The following COL19A1 variants were observed in gnomAD, a reference collection of about 807,000 sequenced individuals.
The protein encoded by COL19A1 is collagen alpha-1(XIX) chain.
Under a neutral mutation model 190.2 loss-of-function variants are expected in COL19A1, and 159 were observed. That is an observed-to-expected ratio of 0.84 (90% confidence interval 0.73 to 0.95). The LOEUF is 0.95. COL19A1 is among the 40% of genes least tolerant of loss of function. The pLI is 0.00. For missense variants in COL19A1, 1,418 were observed against 1,431.9 expected (o/e 0.99, Z 0.16); for synonymous variants, 509 against 458.9 (o/e 1.11, Z -1.39).
intron 20 of COL19A1, 57 bp downstream of exon 20, chr6:70,141,046 C>A: frequency 6.8e-7 from 1 of 1,480,080 alleles, no homozygotes; most frequent in Admixed American, 1.8e-5. Flanking sequence ...TTGTTTCTCT[C>A]TGATTTTCTG....
intron 11 of COL19A1, among the ~76,000 whole-genome samples, chr6:70,021,482 A>G (rs1353176944): frequency 6.6e-6 from 1 of 152,160 alleles, no homozygotes; most frequent in Non-Finnish European, 1.5e-5. Context: ...ATGGAATTAT[A>G]TGTGTCTTCT....
chr6:69,899,709 TCTC>T (rs1770034382), intron 3 of COL19A1, among the ~76,000 whole-genome samples: 1 of 152,170 alleles, frequency 6.6e-6, no homozygotes. Context: ...TATCTTTCTT[TCTC>T]CTTCTTTTCC....
chr6:69,927,053 G>A lies in COL19A1; in HGVS notation c.267-856G>A, dbSNP rs142521686. Among the ~76,000 whole-genome samples the A allele has an allele frequency of 8.4e-4, 128 of 152,008 alleles. No homozygotes were observed. In the East Asian group the frequency reaches 0.022, roughly 26 times the overall value. ...CTTCAAAACTGAAGGTGAAATTAAG[G>A]ATTAAAAAAACCCAGAATTTGAGAC... On this transcript the variant is annotated intron_variant, in intron 4 of 50. Coordinates refer to ENST00000620364, the MANE Select transcript of COL19A1 (RefSeq NM_001858.6).
At chr6:70,203,966 T>G (rs1767708644) in intron 49 of COL19A1, among the ~76,000 whole-genome samples, 1 of 152,038 alleles carries the variant, frequency 6.6e-6, no homozygotes, top group South Asian at 2.1e-4. Context: ...GTTCAAGCAA[T>G]TCTCCTGCCT....
At chr6:70,105,845 G>T (rs376984706) in intron 16 of COL19A1, among the ~76,000 whole-genome samples, 1 of 152,076 alleles carries the variant, frequency 6.6e-6, no homozygotes, top group East Asian at 1.9e-4. Flanking sequence ...TTTGTCTCTT[G>T]TCAAACAGTA....
intron 1 of COL19A1, among the ~76,000 whole-genome samples, chr6:69,873,501 C>T (rs757303619): frequency 2.6e-5 from 4 of 152,206 alleles, no homozygotes; most frequent in Non-Finnish European, 5.9e-5. Flanking sequence ...TGGTTTAGGC[C>T]AGAGGCCAAC....
At position 70,142,035 on chromosome 6, in the gene COL19A1, G is replaced by A; in HGVS notation, c.1531G>A (p.Asp511Asn). Residue 511 changes from aspartate to asparagine, a missense_variant, in exon 22 of 51, where the codon GAT (aspartate) becomes AAT (asparagine). By Grantham distance (23) the Asp-to-Asn change is conservative. Transcript: ENST00000620364. ...CCCACGTGTTTAGGGTGAACCTGGA[G>A]ATCCCGGACCCCCTGGTTTAATAGG... The part of the protein sequence containing the change: ...GSQGVKGEPG[D>N]PGPPGLIGSP... 6.2e-7 allele frequency: 1 copy of A among 1,612,434 alleles called. No individual in the cohort carries two copies.
At position 70,087,664 on chromosome 6, in the gene COL19A1, A is replaced by T. The variant is rs555776949; in HGVS notation, c.1225-14505A>T. 2.1e-4 allele frequency among the ~76,000 whole-genome samples: 32 copies of T among 152,174 alleles called. No homozygotes were observed. The South Asian group carries it at 6.6e-3, about 32-fold the overall frequency. ...ACAGAGGCCAAAGCTATAGATACTG[A>T]CTCCTTAGGTCAAATGCTATTCAAG... On this transcript the variant is annotated intron_variant, in intron 15 of 50. Coordinates refer to ENST00000620364, the MANE Select transcript of COL19A1 (RefSeq NM_001858.6).
intron 4 of COL19A1, among the ~76,000 whole-genome samples, chr6:69,915,865 C>T (rs534357401): frequency 1.3e-5 from 2 of 151,816 alleles, no homozygotes; most frequent in African/African-American, 4.8e-5. Flanking sequence ...TTCACATTAC[C>T]TAGTTACTAG....
Position 70,010,599 on chromosome 6 carries a change from G to A in COL19A1, c.1027-13028G>A, listed in dbSNP as rs1400172434. ...TTTCCGAGTCAAAGAAAGGGGTGAC[G>A]GACGCACCTGGAAAATAGGGTCACT... On this transcript the variant is annotated intron_variant, in intron 11 of 50. Transcript: ENST00000620364. Among the ~76,000 whole-genome samples, 9 of 140,832 alleles carry A rather than the reference G, an allele frequency of 6.4e-5. No individual in the cohort carries two copies. The East Asian group carries it at 1.1e-3, about 18-fold the overall frequency. 92.4% of individuals were successfully genotyped at this position (140,832 alleles called of 152,430 possible). A position where few individuals can be genotyped will look rare whatever the true frequency, so the allele number is the denominator to read the frequency against.
intron 11 of COL19A1, among the ~76,000 whole-genome samples, chr6:69,971,734 AT>A (rs1775438021): frequency 6.6e-6 from 1 of 152,328 alleles, no homozygotes; most frequent in East Asian, 1.9e-4. Flanking sequence ...ATTTAACAAT[AT>A]TCTGGAATTT....
intron 11 of COL19A1, among the ~76,000 whole-genome samples, chr6:70,003,142 C>T (rs1181751635): frequency 2.6e-5 from 4 of 152,090 alleles, no homozygotes; most frequent in African/African-American, 9.7e-5. Flanking sequence ...ATTATTTACC[C>T]AGAAGTCATT....
At chr6:70,007,716 G>A (rs1777718664) in intron 11 of COL19A1, among the ~76,000 whole-genome samples, 1 of 151,952 alleles carries the variant, frequency 6.6e-6, no homozygotes, top group Non-Finnish European at 1.5e-5. Context: ...TAAGCCTACA[G>A]TACACTCATC....
At chr6:70,079,823 T>C (rs529272949) in intron 15 of COL19A1, among the ~76,000 whole-genome samples, 1 of 152,274 alleles carries the variant, frequency 6.6e-6, no homozygotes, top group African/African-American at 2.4e-5. Flanking sequence ...TAAGACTACA[T>C]TGGGAGAGGT....
At chr6:70,047,007 T>G (rs1779953490) in intron 14 of COL19A1, among the ~76,000 whole-genome samples, 14 of 152,086 alleles carry the variant, frequency 9.2e-5, no homozygotes, top group Admixed American at 9.2e-4. Flanking sequence ...CCAAATCACA[T>G]TTTTTCAAAA....
At chr6:70,129,492 C>G (rs931652836) in intron 17 of COL19A1, among the ~76,000 whole-genome samples, 1 of 152,194 alleles carries the variant, frequency 6.6e-6, no homozygotes, top group Non-Finnish European at 1.5e-5. Context: ...AGAGATGAGA[C>G]AGCTCATTAA....
At chr6:70,191,285 G>A (rs1364900487) in intron 48 of COL19A1, among the ~76,000 whole-genome samples, 1 of 152,174 alleles carries the variant, frequency 6.6e-6, no homozygotes, top group African/African-American at 2.4e-5. Flanking sequence ...TAAATGAGGT[G>A]TTTCTCATTA....
At chr6:70,038,240 A>C (rs1026000203) in intron 14 of COL19A1, among the ~76,000 whole-genome samples, 1 of 152,226 alleles carries the variant, frequency 6.6e-6, no homozygotes, top group Non-Finnish European at 1.5e-5. Context: ...AACTAGCTCC[A>C]CGCTAAAATC....
At chr6:70,170,491 C>T (rs774811207) in intron 40 of COL19A1, among the ~76,000 whole-genome samples, 8 of 152,056 alleles carry the variant, frequency 5.3e-5, no homozygotes, top group Non-Finnish European at 1.0e-4. Context: ...TCTTCTGAGG[C>T]GCTCCATTTC....
Sources: allele counts gnomAD v4.1 joint callset (sites outside exome capture counted in the v4.1 genomes callset), GRCh38; gene constraint gnomAD v4.1.1; transcripts MANE v1.5; gene names NCBI Gene and HGNC (gene_info 2026-07-23, HGNC 2026-07-21).